The following CRYBG1 variants were observed in gnomAD, a reference collection of about 807,000 sequenced individuals.
CRYBG1 encodes beta/gamma crystallin domain-containing protein 1.
In CRYBG1, 139 loss-of-function variants were observed where a neutral mutation model predicts 189.2. The ratio of observed to expected loss-of-function variants is 0.73; its 90% CI spans 0.64 to 0.85. The LOEUF (loss-of-function observed/expected upper bound fraction) is 0.85, where lower values mean the gene tolerates loss of function less well. Among genes scored for constraint, CRYBG1 ranks in the 40% least tolerant of loss-of-function variants. The probability of loss-of-function intolerance (pLI) is 0.00; values close to 1 mark genes in which losing one functional copy is unlikely to be tolerated. For missense variants in CRYBG1, 2,611 were observed against 2,675.8 expected, an observed-to-expected ratio of 0.98 and a Z score of 0.53; for synonymous variants, 1,023 against 1,017.1, an observed-to-expected ratio of 1.01 and a Z score of -0.11.
intron 1 of CRYBG1, among the ~76,000 whole-genome samples, chr6:106,408,307 A>G (rs568042918): frequency 6.6e-6 from 1 of 152,162 alleles, no homozygotes; most frequent in South Asian, 2.1e-4. Context: ...CAAACACACT[A>G]CCAAGACTAA....
intron 2 of CRYBG1, among the ~76,000 whole-genome samples, chr6:106,462,123 T>G (rs1306497795): frequency 1.3e-5 from 2 of 151,818 alleles, no homozygotes; most frequent in African/African-American, 4.9e-5. Context: ...CATTTAGCTA[T>G]TCTTTTTTTT....
intron 8 of CRYBG1, among the ~76,000 whole-genome samples, chr6:106,531,320 A>G (rs1773871628): frequency 6.6e-6 from 1 of 152,260 alleles, no homozygotes; most frequent in South Asian, 2.1e-4. Flanking sequence ...ACTTCTAGGC[A>G]ACTTAACAGG....
At chr6:106,443,398 GA>G in intron 1 of CRYBG1, among the ~76,000 whole-genome samples, 1 of 152,280 alleles carries the variant, frequency 6.6e-6, no homozygotes, top group East Asian at 1.9e-4. Context: ...GACAAGGAGT[GA>G]AAAAGAGAAA....
intron 13 of CRYBG1, among the ~76,000 whole-genome samples, chr6:106,550,861 G>GAA (rs576875695): frequency 6.8e-6 from 1 of 146,912 alleles, no homozygotes; most frequent in East Asian, 2.0e-4. Flanking sequence ...AATACAATTA[G>GAA]AAAAAAAAAA....
chr6:106,515,316 T>C (rs1326512936), intron 3 of CRYBG1, among the ~76,000 whole-genome samples: 1 of 152,236 alleles, frequency 6.6e-6, no homozygotes, highest in Non-Finnish European at 1.5e-5. Flanking sequence ...AGTAGGTTAA[T>C]TGTAGTAACT....
At chr6:106,561,269 C>G in intron 19 of CRYBG1, 73 bp from the exon 20 acceptor site, 1 of 1,493,786 alleles carries the variant, frequency 6.7e-7, no homozygotes, top group Non-Finnish European at 9.1e-7. Context: ...TGGATTCTTC[C>G]TGATATTCAT....
At chr6:106,365,456 A>AAT (rs1554229691) in intron 1 of CRYBG1, among the ~76,000 whole-genome samples, 8 of 150,392 alleles carry the variant, frequency 5.3e-5, no homozygotes, top group African/African-American at 1.7e-4. Flanking sequence ...AAAACCAAAA[A>AAT]AAAAAAAACA....
At chr6:106,443,250 A>G (rs1771599463) in intron 1 of CRYBG1, among the ~76,000 whole-genome samples, 1 of 152,216 alleles carries the variant, frequency 6.6e-6, no homozygotes, top group African/African-American at 2.4e-5. Context: ...GACAATGCAA[A>G]TAAATACAGA....
intron 1 of CRYBG1, among the ~76,000 whole-genome samples, chr6:106,383,306 AG>A (rs770600699): frequency 6.1e-4 from 93 of 152,298 alleles, no homozygotes; most frequent in Non-Finnish European, 9.7e-4. Flanking sequence ...TTAAAGTTTG[AG>A]AACCAAGGAT....
rs1774699211 is a variant in CRYBG1, at chr6:106,560,919, T to C, written c.5972T>C (p.Phe1991Ser). The C allele has an allele frequency of 1.2e-6, 2 of 1,604,128 alleles. No homozygotes were observed. Among genetic ancestry groups the C allele is most frequent in the Non-Finnish European group, 8.5e-7 (1 of 1,175,612 alleles). The change falls in exon 19 of 22, where the codon TTT (phenylalanine) becomes TCT (serine). Residue 1991 changes from phenylalanine to serine, a missense_variant. Phe to Ser is a radical substitution (Grantham distance 155, BLOSUM62 -2). Transcript: ENST00000633556. The stretch of plus-strand genomic sequence containing the variant: ...CGCCAAATAGGTTCTCTACGACCTT[T>C]TGTTCAGGTATTTTCTTCCTCTCCA... ...GCRQIGSLRPFVQKRIYFRLR... is the reference protein window; with the variant it reads ...GCRQIGSLRPSVQKRIYFRLR...
chr6:106,538,757 G>A (rs528923038), intron 8 of CRYBG1, among the ~76,000 whole-genome samples: 20 of 152,196 alleles, frequency 1.3e-4, no homozygotes, highest in East Asian at 1.9e-4. Flanking sequence ...TTAGTCGGAT[G>A]TGGTGGTGTG....
At chr6:106,473,538 C>G (rs1021527026) in intron 2 of CRYBG1, among the ~76,000 whole-genome samples, 1 of 152,146 alleles carries the variant, frequency 6.6e-6, no homozygotes, top group Non-Finnish European at 1.5e-5. Flanking sequence ...GAGAACCAGG[C>G]GATGGACACA....
Position 106,517,363 on chromosome 6 carries a change from C to CATAT in CRYBG1, c.1923-1764_1923-1761dup, listed in dbSNP as rs1208831549. Among the ~76,000 whole-genome samples the CATAT allele has an allele frequency of 1.2e-3, 82 of 70,012 alleles. 2 individuals are homozygous for CATAT. The highest frequency in any genetic ancestry group is 3.6e-3 in the African/African-American group (65 of 18,136). The allele number at this position is 70,012 out of a possible 152,430, so 45.9% of individuals were successfully genotyped here. ...ATATACACACACATATATATATACACATATATACACACACACATATACACA... is the reference window on the plus strand; with the variant it reads ...ATATACACACACATATATATATACACATATATATATACACACACACATATACACA... On this transcript the variant is annotated intron_variant, in intron 3 of 21. Transcript: ENST00000633556.
At chr6:106,555,525 G>A (rs930182185) in intron 16 of CRYBG1, among the ~76,000 whole-genome samples, 3 of 152,340 alleles carry the variant, frequency 2.0e-5, no homozygotes, top group East Asian at 3.9e-4. Flanking sequence ...GGCTGGGGAA[G>A]TCAGAAAGAA....
intron 1 of CRYBG1, among the ~76,000 whole-genome samples, chr6:106,396,565 T>C (rs531334070): frequency 6.6e-6 from 1 of 152,336 alleles, no homozygotes; most frequent in African/African-American, 2.4e-5. Context: ...CATACCACTC[T>C]TAGCATGGAG....
At chr6:106,508,517 C>T (rs1048479610) in intron 2 of CRYBG1, among the ~76,000 whole-genome samples, 9 of 152,154 alleles carry the variant, frequency 5.9e-5, no homozygotes, top group African/African-American at 2.2e-4. Context: ...AGGCAACCAC[C>T]GACCTACTTT....
At chr6:106,405,406 C>T (rs1466713182) in intron 1 of CRYBG1, among the ~76,000 whole-genome samples, 2 of 152,216 alleles carry the variant, frequency 1.3e-5, no homozygotes, top group Admixed American at 6.5e-5. Context: ...AGATAAAACT[C>T]CCATCTCCCT....
At chr6:106,382,458 G>A (rs1369793627) in intron 1 of CRYBG1, among the ~76,000 whole-genome samples, 4 of 152,100 alleles carry the variant, frequency 2.6e-5, no homozygotes, top group Admixed American at 2.6e-4. Context: ...GAAACATCTG[G>A]ACTTTGAAAT....
At chr6:106,524,202 G>A (rs942523511) in intron 4 of CRYBG1, among the ~76,000 whole-genome samples, 6 of 152,120 alleles carry the variant, frequency 3.9e-5, no homozygotes, top group African/African-American at 1.4e-4. Flanking sequence ...GGTTTTACTG[G>A]TCTTGTCAGA....
Sources: allele counts gnomAD v4.1 joint callset (sites outside exome capture counted in the v4.1 genomes callset), GRCh38; gene constraint gnomAD v4.1.1; transcripts MANE v1.5; gene names NCBI Gene and HGNC (gene_info 2026-07-23, HGNC 2026-07-21).